PCDH15: variants seen among roughly 807,000 people sequenced by gnomAD.
PCDH15 encodes protocadherin-15.
In PCDH15, 129 loss-of-function variants were observed where a neutral mutation model predicts 178.5. The observed-to-expected ratio is 0.72, with a 90% confidence interval of 0.63 to 0.84. The LOEUF (loss-of-function observed/expected upper bound fraction) is 0.84, where lower values mean the gene tolerates loss of function less well. Among genes scored for constraint, PCDH15 ranks in the 40% least tolerant of loss-of-function variants. The probability of loss-of-function intolerance (pLI) is 0.00; values close to 1 mark genes in which losing one functional copy is unlikely to be tolerated. For synonymous variants in PCDH15, 800 were observed against 732.0 expected (o/e 1.09, Z -1.50); for missense variants, 2,230 against 2,099.9 (o/e 1.06, Z -1.21).
intron 23 of PCDH15, among the ~76,000 whole-genome samples, chr10:53,959,304 A>G (rs2134270682): frequency 6.6e-6 from 1 of 151,240 alleles, no homozygotes; most frequent in East Asian, 1.9e-4. Context: ...ATATTTACAC[A>G]CACAAACGTA....
chr10:54,383,629 TTG>T (rs71461236), intron 3 of PCDH15, among the ~76,000 whole-genome samples: 60 of 117,586 alleles, frequency 5.1e-4, no homozygotes, highest in African/African-American at 1.9e-3. Context: ...ATGTGTGTTT[TTG>T]TGTGTGTGTG....
intron 21 of PCDH15, among the ~76,000 whole-genome samples, chr10:53,991,086 AC>A (rs1329925477): frequency 3.3e-4 from 50 of 150,774 alleles, no homozygotes; most frequent in Admixed American, 7.2e-4. Context: ...CCATGGCCGA[AC>A]CCCCCCCACC....
chr10:55,361,029 G>C (rs1845214915), intron 2 of PCDH15, among the ~76,000 whole-genome samples: 1 of 151,874 alleles, frequency 6.6e-6, no homozygotes, highest in African/African-American at 2.4e-5. Flanking sequence ...TTTCTGAATG[G>C]ACCACAATTG....
chr10:54,805,807 A>G (rs997356435), upstream of PCDH15, among the ~76,000 whole-genome samples: 2 of 152,216 alleles, frequency 1.3e-5, no homozygotes, highest in African/African-American at 2.4e-5. Context: ...TTATAGGTGT[A>G]TAATAAATAT....
intron 3 of PCDH15, among the ~76,000 whole-genome samples, chr10:54,502,182 C>T (rs1316763465): frequency 6.6e-6 from 1 of 152,068 alleles, no homozygotes; most frequent in African/African-American, 2.4e-5. Context: ...GATAACATTT[C>T]CTCACTTGTA....
At chr10:54,262,184 G>T (rs2057359996) in intron 8 of PCDH15, among the ~76,000 whole-genome samples, 2 of 152,068 alleles carry the variant, frequency 1.3e-5, no homozygotes, top group South Asian at 4.2e-4. Flanking sequence ...AGCCCAGAAG[G>T]CTTTGTTGTG....
At chr10:54,886,393 G>A (rs147173307) in intron 3 of PCDH15, among the ~76,000 whole-genome samples, 1 of 152,296 alleles carries the variant, frequency 6.6e-6, no homozygotes, top group Non-Finnish European at 1.5e-5. Flanking sequence ...TCAAACTCCT[G>A]TTTTTAGAGT....
chr10:53,953,248 T>G (rs1475933812), intron 23 of PCDH15, among the ~76,000 whole-genome samples: 19 of 152,264 alleles, frequency 1.2e-4, no homozygotes, highest in Admixed American at 1.2e-3. Flanking sequence ...AAGAACTCAT[T>G]GTTTTCTGGA....
chr10:54,875,647 G>A (rs1954126688), intron 3 of PCDH15, among the ~76,000 whole-genome samples: 1 of 152,128 alleles, frequency 6.6e-6, no homozygotes, highest in African/African-American at 2.4e-5. Context: ...TGAAAGATCT[G>A]GATGGAAGAT....
chr10:54,125,490 G>C (rs530083730), intron 15 of PCDH15, among the ~76,000 whole-genome samples: 1 of 152,178 alleles, frequency 6.6e-6, no homozygotes, highest in Non-Finnish European at 1.5e-5. Context: ...GTTTGAAAGA[G>C]AAACAATGAT....
intron 21 of PCDH15, among the ~76,000 whole-genome samples, chr10:53,988,543 G>A (rs922209731): frequency 6.6e-6 from 1 of 152,126 alleles, no homozygotes; most frequent in African/African-American, 2.4e-5. Context: ...GAAAATGAAC[G>A]AATTGCAAAG....
intron 28 of PCDH15, among the ~76,000 whole-genome samples, chr10:53,856,314 A>G (rs376928868): frequency 6.6e-6 from 1 of 152,052 alleles, no homozygotes; most frequent in Admixed American, 6.6e-5. Context: ...TATTTTAAAC[A>G]TCTTTTACAG....
At chr10:55,060,543 T>G (rs1303745644) in intron 2 of PCDH15, among the ~76,000 whole-genome samples, 1 of 152,024 alleles carries the variant, frequency 6.6e-6, no homozygotes, top group Non-Finnish European at 1.5e-5. Flanking sequence ...TTATACAATA[T>G]ATTATAGATC....
At chr10:55,218,590 T>G (rs2132180524) in intron 1 of PCDH15, among the ~76,000 whole-genome samples, 1 of 152,180 alleles carries the variant, frequency 6.6e-6, no homozygotes, top group African/African-American at 2.4e-5. Flanking sequence ...TACAGTTATG[T>G]CAATCACATA....
At chr10:53,933,640 G>T (rs1387441891) in intron 25 of PCDH15, among the ~76,000 whole-genome samples, 3 of 152,264 alleles carry the variant, frequency 2.0e-5, no homozygotes, top group African/African-American at 7.2e-5. Context: ...ACATATGTGT[G>T]CATGTGTCTT....
At chr10:55,023,956 C>A (rs1004214515) in intron 2 of PCDH15, among the ~76,000 whole-genome samples, 2 of 148,724 alleles carry the variant, frequency 1.3e-5, no homozygotes, top group African/African-American at 2.5e-5. Flanking sequence ...ACATCTGAAT[C>A]AGAGAAAGAG....
chr10:53,899,608 G>T (rs1010288148), intron 26 of PCDH15, among the ~76,000 whole-genome samples: 2 of 152,068 alleles, frequency 1.3e-5, no homozygotes, highest in East Asian at 1.9e-4. Flanking sequence ...TGTATGCATG[G>T]TAGATGATCT....
At chr10:54,244,501 G>T (rs1337434407) in intron 8 of PCDH15, among the ~76,000 whole-genome samples, 2 of 152,192 alleles carry the variant, frequency 1.3e-5, no homozygotes, top group East Asian at 1.9e-4. Flanking sequence ...TTGGTGACTT[G>T]TTCCACGCTG....
rs537609779 is a variant in PCDH15 at position 54,505,085 on chromosome 10, A to C, written c.157+22727T>G. Among the ~76,000 whole-genome samples, 13 of 152,172 alleles carry C rather than the reference A, an allele frequency of 8.5e-5. No individual in the cohort carries two copies. The East Asian group carries it at 2.5e-3, about 29-fold the overall frequency. On this transcript the variant is annotated intron_variant, in intron 3 of 37. Transcript: ENST00000644397. ...TTTTTTGTTTTTTTCCTAAATCTCC[A>C]CTTCTGCTTATAGTGACTGTACCCA...
Sources: gnomAD v4.1 joint callset for allele counts (sites outside exome capture counted in the v4.1 genomes callset) on GRCh38, gnomAD v4.1.1 for gene constraint, MANE v1.5 for transcripts, NCBI Gene and HGNC (gene_info 2026-07-23, HGNC 2026-07-21) for gene names.